Variants in PHF20 observed in about 807,000 individuals in gnomAD.
The protein encoded by PHF20 is PHD finger protein 20.
Under a neutral mutation model 113.5 loss-of-function variants are expected in PHF20, and 23 were observed. The observed-to-expected ratio is 0.20, with a 90% CI of 0.15 to 0.29. The LOEUF (loss-of-function observed/expected upper bound fraction) is 0.29, where lower values mean the gene tolerates loss of function less well. Among genes scored for constraint, PHF20 ranks in the 10% least tolerant of loss-of-function variants. PHF20 has a pLI of 1.00. For missense variants in PHF20, 943 were observed against 1,219.6 expected (o/e 0.77, Z 3.38); for synonymous variants, 434 against 457.3 (o/e 0.95, Z 0.65).
chr20:35,791,860 A>T (rs140965004), intron 1 of PHF20, among the ~76,000 whole-genome samples: 1 of 152,124 alleles, frequency 6.6e-6, no homozygotes, highest in East Asian at 1.9e-4. Flanking sequence ...AGTTTGGCAC[A>T]CTTGCCAATC....
chr20:35,806,540 A>G (rs78595762), intron 2 of PHF20, among the ~76,000 whole-genome samples: 7,286 of 152,132 alleles, frequency 0.048, 216 homozygotes, highest in African/African-American at 0.089. Flanking sequence ...TTTTAATTCA[A>G]TGAATAACCA....
rs1407656631 is a variant in PHF20, at chr20:35,866,209, C to CA, written c.808+2816dup. ...TGGGTGACAGAGCGAGACTCCATCT[C>CA]AAAAAAACAAAAAATAATAAAATAA... On this transcript the variant is annotated intron_variant, in intron 6 of 17. Coordinates refer to ENST00000374012, the MANE Select transcript of PHF20 (RefSeq NM_016436.5). Among the ~76,000 whole-genome samples, 6 of 151,732 alleles carry CA rather than the reference C, an allele frequency of 4.0e-5. No individual in the cohort carries two copies. The East Asian group carries it at 7.7e-4, about 20-fold the overall frequency.
intron 2 of PHF20, among the ~76,000 whole-genome samples, chr20:35,805,537 G>A (rs1037533117): frequency 2.5e-4 from 38 of 151,682 alleles, no homozygotes; most frequent in Non-Finnish European, 3.4e-4. Context: ...TAGTAGAGAC[G>A]GGGTTTCACT....
At chr20:35,920,490 AT>A (rs2055491296) in intron 13 of PHF20, among the ~76,000 whole-genome samples, 1 of 152,192 alleles carries the variant, frequency 6.6e-6, no homozygotes, top group African/African-American at 2.4e-5. Context: ...CAAGTCACTT[AT>A]TTGGGAAAAC....
chr20:35,885,251 A>G lies in PHF20; in HGVS notation c.1282+13422A>G, dbSNP rs2054705440. On this transcript the variant is annotated intron_variant, in intron 9 of 17. Coordinates refer to ENST00000374012, the MANE Select transcript of PHF20 (RefSeq NM_016436.5). ...CAAGGACATCCTCTTTCATTCCCACAATATAATCAAAATCAACACCTTTTA... is the reference window on the plus strand; with the variant it reads ...CAAGGACATCCTCTTTCATTCCCACGATATAATCAAAATCAACACCTTTTA... Among the ~76,000 whole-genome samples, 3 of 152,134 alleles carry G rather than the reference A, an allele frequency of 2.0e-5. 1 individual carries two copies. Among genetic ancestry groups the G allele is most frequent in the Admixed American group, 2.0e-4 (3 of 15,250 alleles).
chr20:35,823,522 G>T (rs762152731), intron 2 of PHF20, among the ~76,000 whole-genome samples: 1 of 151,008 alleles, frequency 6.6e-6, no homozygotes, highest in African/African-American at 2.4e-5. Context: ...TACTCAGGAG[G>T]CTGGGGTGGG....
At chr20:35,895,886 C>A (rs1239787692) in intron 9 of PHF20, among the ~76,000 whole-genome samples, 1 of 152,006 alleles carries the variant, frequency 6.6e-6, no homozygotes, top group East Asian at 1.9e-4. Context: ...GGGGTTTCAC[C>A]ATGTTAGCCA....
At chr20:35,886,333 C>T (rs1202168451) in intron 9 of PHF20, among the ~76,000 whole-genome samples, 1 of 151,628 alleles carries the variant, frequency 6.6e-6, no homozygotes, top group Non-Finnish European at 1.5e-5. Context: ...AGAGACTGGT[C>T]CAGGCTGGTC....
At chr20:35,946,797 C>A (rs1271989923) in intron 17 of PHF20, among the ~76,000 whole-genome samples, 2 of 152,062 alleles carry the variant, frequency 1.3e-5, no homozygotes, top group Admixed American at 6.5e-5. Flanking sequence ...GCGACCTCCG[C>A]CTCCCGGGTT....
At chr20:35,889,165 A>G (rs955060670) in intron 9 of PHF20, among the ~76,000 whole-genome samples, 1 of 150,706 alleles carries the variant, frequency 6.6e-6, no homozygotes, top group African/African-American at 2.4e-5. Context: ...ATAGGTGCAC[A>G]CCACCACGCT....
chr20:35,876,333 G>A (rs1340487318), intron 9 of PHF20, among the ~76,000 whole-genome samples: 1 of 152,130 alleles, frequency 6.6e-6, no homozygotes, highest in Non-Finnish European at 1.5e-5. Flanking sequence ...GACTTTGGGA[G>A]GCCGAGGTGG....
chr20:35,820,392 G>GAT (rs1235870481), intron 2 of PHF20, among the ~76,000 whole-genome samples: 1 of 151,372 alleles, frequency 6.6e-6, no homozygotes, highest in Admixed American at 6.6e-5. Context: ...CCAGCAGACT[G>GAT]ATATATATAG....
At chr20:35,835,641 TAA>T (rs1054399848) in intron 2 of PHF20, among the ~76,000 whole-genome samples, 3 of 137,172 alleles carry the variant, frequency 2.2e-5, no homozygotes, top group Non-Finnish European at 3.1e-5. Flanking sequence ...ATTTACAGAA[TAA>T]AAGAGTCCGG....
chr20:35,856,901 T>C (rs966632460), intron 4 of PHF20, among the ~76,000 whole-genome samples: 3 of 152,312 alleles, frequency 2.0e-5, no homozygotes, highest in South Asian at 2.1e-4. Flanking sequence ...TGGAAAATTA[T>C]TGGGGTCAGA....
At chr20:35,793,983 G>A (rs1349494588) in intron 1 of PHF20, among the ~76,000 whole-genome samples, 2 of 106,722 alleles carry the variant, frequency 1.9e-5, no homozygotes, top group South Asian at 3.7e-4. Context: ...CGACAAGAGC[G>A]GGACTCTGTC....
chr20:35,930,433 A>T (rs1251047330), intron 14 of PHF20, among the ~76,000 whole-genome samples: 1 of 152,122 alleles, frequency 6.6e-6, no homozygotes, highest in Non-Finnish European at 1.5e-5. Context: ...GGCACTGATG[A>T]TGCTCTCAAC....
intron 9 of PHF20, among the ~76,000 whole-genome samples, chr20:35,893,493 G>A (rs1357294687): frequency 2.0e-5 from 3 of 151,828 alleles, no homozygotes; most frequent in Non-Finnish European, 4.4e-5. Flanking sequence ...TAGTAGAGAC[G>A]GGGTTTTGCC....
intron 12 of PHF20, among the ~76,000 whole-genome samples, chr20:35,915,088 A>AT (rs1231820869): frequency 6.7e-6 from 1 of 149,116 alleles, no homozygotes; most frequent in Non-Finnish European, 1.5e-5. Context: ...ACTTACACAC[A>AT]TATATATATG....
chr20:35,849,916 G>C (rs2042688995), intron 4 of PHF20, among the ~76,000 whole-genome samples: 3 of 152,210 alleles, frequency 2.0e-5, no homozygotes, highest in Admixed American at 6.5e-5. Context: ...TGCTAAAGCT[G>C]AGTGTTGAGC....
Sources: gnomAD v4.1 joint callset for allele counts (sites outside exome capture counted in the v4.1 genomes callset) on GRCh38, gnomAD v4.1.1 for gene constraint, MANE v1.5 for transcripts, NCBI Gene and HGNC (gene_info 2026-07-23, HGNC 2026-07-21) for gene names.